SNTG2: variants seen among roughly 807,000 people sequenced by gnomAD.
SNTG2 encodes the protein gamma-2-syntrophin.
In SNTG2, 74 loss-of-function variants were observed where a neutral mutation model predicts 70.9. That is an observed-to-expected ratio of 1.04 (90% confidence interval 0.86 to 1.27). The LOEUF is 1.27. Among genes scored for constraint, SNTG2 ranks in the 50% most tolerant of loss-of-function variants. The probability of loss-of-function intolerance (pLI) is 0.00; values close to 1 mark genes in which losing one functional copy is unlikely to be tolerated. For missense variants in SNTG2, 717 were observed against 690.7 expected (o/e 1.04, Z -0.43); for synonymous variants, 278 against 273.8 (o/e 1.02, Z -0.15).
intron 8 of SNTG2, among the ~76,000 whole-genome samples, chr2:1,176,332 A>C (rs1458454353): frequency 6.6e-6 from 1 of 152,138 alleles, no homozygotes; most frequent in East Asian, 1.9e-4. Flanking sequence ...AGAGGATCAG[A>C]AAAAATAACT....
intron 8 of SNTG2, among the ~76,000 whole-genome samples, chr2:1,208,550 T>G (rs755705123): frequency 2.0e-5 from 3 of 152,126 alleles, no homozygotes; most frequent in African/African-American, 7.2e-5. Flanking sequence ...GGTGGTTGCA[T>G]GGCTCCTTCA....
At chr2:1,261,382 C>T (rs1464163696) in intron 13 of SNTG2, among the ~76,000 whole-genome samples, 1 of 152,162 alleles carries the variant, frequency 6.6e-6, no homozygotes, top group Non-Finnish European at 1.5e-5. Context: ...AAAGTACACT[C>T]ATTAATATTT....
intron 14 of SNTG2, among the ~76,000 whole-genome samples, chr2:1,304,458 G>A (rs1192153914): frequency 1.3e-5 from 2 of 152,182 alleles, no homozygotes; most frequent in African/African-American, 4.8e-5. Flanking sequence ...CCGGTGCGGT[G>A]GCTCATGCCT....
At chr2:1,355,166 G>A (rs1322641111) in intron 16 of SNTG2, among the ~76,000 whole-genome samples, 2 of 152,184 alleles carry the variant, frequency 1.3e-5, no homozygotes, top group South Asian at 2.1e-4. Flanking sequence ...GGGAAATCAC[G>A]TAATCTTTCT....
At chr2:1,025,755 C>A (rs1207239939) in intron 1 of SNTG2, among the ~76,000 whole-genome samples, 2 of 152,176 alleles carry the variant, frequency 1.3e-5, no homozygotes, top group East Asian at 3.9e-4. Flanking sequence ...TCCGGGATGA[C>A]CCCCATCTCA....
At chr2:1,101,092 C>T (rs961970917) in intron 4 of SNTG2, among the ~76,000 whole-genome samples, 1 of 152,200 alleles carries the variant, frequency 6.6e-6, no homozygotes, top group Non-Finnish European at 1.5e-5. Flanking sequence ...ACATTGGAAG[C>T]TTCACAAGTA....
At chr2:1,137,892 G>A in intron 6 of SNTG2, 83 bp downstream of exon 6, 1 of 1,261,994 alleles carries the variant, frequency 7.9e-7, no homozygotes, top group Non-Finnish European at 1.1e-6. Context: ...ATTTCACTGA[G>A]TCTATCCATA....
chr2:971,304 G>GTT lies in SNTG2; in HGVS notation c.72+20242_72+20243dup, dbSNP rs140073425. 2.8e-4 allele frequency among the ~76,000 whole-genome samples: 42 copies of GTT among 151,918 alleles called. 1 individual carries two copies. Among genetic ancestry groups the GTT allele is most frequent in the Middle Eastern group, 6.8e-3 (2 of 294 alleles). ...GTTGATAGGCTTTTATTGTTTGTTT[G>GTT]TTTTTTTATCACTGATTTAATTTTG... is the stretch of plus-strand genomic sequence containing the variant. On this transcript the variant is annotated intron_variant, in intron 1 of 16. Transcript: ENST00000308624.
At chr2:1,180,310 C>T (rs1189405380) in intron 8 of SNTG2, among the ~76,000 whole-genome samples, 303 of 119,824 alleles carry the variant, frequency 2.5e-3, no homozygotes, top group East Asian at 8.8e-3. Flanking sequence ...ATTTTTGCAA[C>T]CTACTCATCT....
chr2:1,194,870 C>A (rs903985861), intron 8 of SNTG2, among the ~76,000 whole-genome samples: 14 of 152,128 alleles, frequency 9.2e-5, no homozygotes, highest in Non-Finnish European at 1.0e-4. Context: ...AATGCTATCC[C>A]TCCCCTAGTC....
chr2:1,263,343 A>G (rs546719767), intron 13 of SNTG2, among the ~76,000 whole-genome samples: 11 of 152,320 alleles, frequency 7.2e-5, no homozygotes, highest in African/African-American at 2.6e-4. Flanking sequence ...TTATTGTCCT[A>G]TTATTAAGGT....
chr2:1,340,798 TTC>T (rs1660045319), intron 16 of SNTG2, among the ~76,000 whole-genome samples: 1 of 152,228 alleles, frequency 6.6e-6, no homozygotes, highest in Non-Finnish European at 1.5e-5. Context: ...TTATTAATAA[TTC>T]ATTGAATTAA....
At position 1,173,149 on chromosome 2, in the gene SNTG2, G is replaced by A. The variant is rs765918547; in HGVS notation, c.557G>A (p.Ser186Asn). Residue 186 changes from serine (S) to asparagine (N), a missense_variant, in exon 8 of 17, where the codon AGC becomes AAC. Transcript: ENST00000308624. The stretch of plus-strand genomic sequence containing the variant: ...GGGGCCTCCTCTCCCCTCTTTGACA[G>A]CGGTTTGCATCTGAACGGAAACTCC... The part of the protein sequence containing the change: ...SSGASSPLFD[S>N]GLHLNGNSST... The A allele has an allele frequency of 2.5e-6, 4 of 1,613,986 alleles. No homozygotes were observed. The highest frequency in any genetic ancestry group is 3.4e-6 in the Non-Finnish European group (4 of 1,179,880).
rs931016141 is a variant in SNTG2 at position 1,318,722 on chromosome 2, A to G, written c.1488+2347A>G. On this transcript the variant is annotated intron_variant, in intron 16 of 16. Transcript: ENST00000308624. ...GTGAATGGATCAGGGATGAAAATAG[A>G]ATGTTCTTCCTCTGGTTTGTTTATT... Among the ~76,000 whole-genome samples the G allele has an allele frequency of 7.9e-5, 12 of 152,322 alleles. No individual in the cohort carries two copies. In the South Asian group the frequency reaches 1.2e-3, roughly 16 times the overall value.
chr2:1,250,538 C>T (rs575451258), intron 12 of SNTG2, among the ~76,000 whole-genome samples: 6 of 152,160 alleles, frequency 3.9e-5, no homozygotes, highest in African/African-American at 1.4e-4. Context: ...TCTCTGCCCA[C>T]TCTTTGCTCC....
At chr2:1,162,275 G>T (rs983366344) in intron 6 of SNTG2, among the ~76,000 whole-genome samples, 2 of 152,066 alleles carry the variant, frequency 1.3e-5, no homozygotes, top group African/African-American at 4.8e-5. Flanking sequence ...CTTACCTCGG[G>T]TATGGAGGTG....
intron 8 of SNTG2, among the ~76,000 whole-genome samples, chr2:1,197,513 A>ATGTGTG (rs769754945): frequency 2.3e-5 from 2 of 85,216 alleles, no homozygotes; most frequent in African/African-American, 6.8e-5. Context: ...GTATGTATAT[A>ATGTGTG]TATGTGTGTG....
intron 7 of SNTG2, among the ~76,000 whole-genome samples, chr2:1,166,029 ATGAAGTCCC>A (rs1216585449): frequency 2.6e-5 from 4 of 152,212 alleles, no homozygotes; most frequent in Non-Finnish European, 4.4e-5. Flanking sequence ...CATTTATGCT[ATGAAGTCCC>A]TGACATATTT....
chr2:1,067,901 G>A (rs1663263790), intron 1 of SNTG2, among the ~76,000 whole-genome samples: 1 of 152,186 alleles, frequency 6.6e-6, no homozygotes, highest in South Asian at 2.1e-4. Context: ...AGGAAGTGCA[G>A]GCTTATGGGT....
Sources: gnomAD v4.1 joint callset for allele counts (sites outside exome capture counted in the v4.1 genomes callset) on GRCh38, gnomAD v4.1.1 for gene constraint, MANE v1.5 for transcripts, NCBI Gene and HGNC (gene_info 2026-07-23, HGNC 2026-07-21) for gene names.